Variants in CDC45 observed in about 807,000 individuals in gnomAD.
The protein encoded by CDC45 is cell division control protein 45 homolog.
A neutral mutation model predicts 77.8 loss-of-function variants in CDC45; 54 were observed. The ratio of observed to expected loss-of-function variants is 0.69; its 90% CI spans 0.56 to 0.87. The LOEUF is 0.87. Among genes scored for constraint, CDC45 ranks in the 40% least tolerant of loss-of-function variants. The pLI, the probability that CDC45 is intolerant of heterozygous loss-of-function variation, is 0.00. For missense variants in CDC45, 649 were observed against 721.6 expected, an observed-to-expected ratio of 0.90 and a Z score of 1.15; for synonymous variants, 260 against 272.1, an observed-to-expected ratio of 0.96 and a Z score of 0.44.
intron 9 of CDC45, among the ~76,000 whole-genome samples, chr22:19,504,874 C>T (rs1041236606): frequency 1.1e-4 from 17 of 152,134 alleles, no homozygotes; most frequent in African/African-American, 3.4e-4. Context: ...GGTCTACATG[C>T]TTCTGAGGCA....
intron 10 of CDC45, 101 bp from the exon 11 acceptor site, chr22:19,507,285 G>A: frequency 7.0e-7 from 1 of 1,433,968 alleles, no homozygotes; most frequent in Non-Finnish European, 9.6e-7. Flanking sequence ...GGCAGGCCTG[G>A]TGAGAAAGGG....
At chr22:19,481,411 CTG>C (rs1285048530) in intron 3 of CDC45, among the ~76,000 whole-genome samples, 1 of 152,046 alleles carries the variant, frequency 6.6e-6, no homozygotes, top group African/African-American at 2.4e-5. Flanking sequence ...CGGAGTCTCG[CTG>C]TGTCGCCCAG....
At chr22:19,506,307 G>A (rs1179599888) in intron 10 of CDC45, among the ~76,000 whole-genome samples, 1 of 152,130 alleles carries the variant, frequency 6.6e-6, no homozygotes, top group Admixed American at 6.5e-5. Context: ...GAGGGGAGCC[G>A]CTGTGCACTG....
chr22:19,501,942 C>G (rs1401856860), intron 9 of CDC45, among the ~76,000 whole-genome samples: 2 of 152,072 alleles, frequency 1.3e-5, no homozygotes, highest in Non-Finnish European at 2.9e-5. Context: ...CTCTCAAACT[C>G]CTAGGCTCAA....
At chr22:19,496,869 A>G (rs1004303246) in intron 7 of CDC45, among the ~76,000 whole-genome samples, 1 of 151,976 alleles carries the variant, frequency 6.6e-6, no homozygotes, top group African/African-American at 2.4e-5. Flanking sequence ...GCCCTGTTGG[A>G]AAGAGAGGTG....
rs866987142 is a variant in CDC45, at chr22:19,520,247, G to A, written c.*2-234G>A. ...CTGGCTGAGCAGCTGGGCGGGGTCCGTGAGGTAAGAAGGTGCCCGGGCCAG... is the reference window on the plus strand; with the variant it reads ...CTGGCTGAGCAGCTGGGCGGGGTCCATGAGGTAAGAAGGTGCCCGGGCCAG... On this transcript the variant is annotated intron_variant, in intron 18 of 18. Coordinates refer to ENST00000263201, the MANE Select transcript of CDC45 (RefSeq NM_003504.5). The surrounding 1 kb of genome is among the most constrained non-coding windows in gnomAD (Gnocchi z 4.5). Among the ~76,000 whole-genome samples, 10 of 152,234 alleles carry A rather than the reference G, an allele frequency of 6.6e-5. No homozygotes were observed. The South Asian group carries it at 8.3e-4, about 13-fold the overall frequency.
Position 19,483,848 on chromosome 22 carries a change from T to C in CDC45, c.343-14T>C. 1 of 1,609,974 alleles carries C rather than the reference T, an allele frequency of 6.2e-7. No individual in the cohort carries two copies. The highest frequency in any genetic ancestry group is 2.2e-5 in the East Asian group (1 of 44,854). On this transcript the variant is annotated splice_polypyrimidine_tract_variant and intron_variant, in intron 4 of 18. Transcript: ENST00000263201. Reference sequence around the variant, plus strand: ...AAAGAGGAGAGGCTTAATTCCTTTTTGTTTTGAACTTAGATCAAATTACTC... The same window carrying C: ...AAAGAGGAGAGGCTTAATTCCTTTTCGTTTTGAACTTAGATCAAATTACTC...
Position 19,480,938 on chromosome 22 carries a change from A to G in CDC45, c.112-15A>G. On this transcript the variant is annotated splice_polypyrimidine_tract_variant and intron_variant, in intron 2 of 18. Transcript: ENST00000263201. ...GTCCTAAATAAGATAGGCTTTGAAA[A>G]CACTCTCTCTCCAGGCCTTGTTCCA... 1.3e-6 allele frequency: 2 copies of G among 1,567,228 alleles called. No homozygotes were observed. Among genetic ancestry groups the G allele is most frequent in the Non-Finnish European group, 8.7e-7 (1 of 1,143,314 alleles).
At position 19,507,454 on chromosome 22, in the gene CDC45, C is replaced by T. The variant is rs146559223; in HGVS notation, c.893C>T (p.Ala298Val). 4.3e-6 allele frequency: 7 copies of T among 1,614,202 alleles called. No homozygotes were observed. Among genetic ancestry groups the T allele is most frequent in the Non-Finnish European group, 5.9e-6 (7 of 1,180,040 alleles). ...CTGTGCAACACCAGCTATACCGCAG[C>T]CAGGTTCAAGCTGTGGTCTGTGCAT... ...DSLCNTSYTA[A>V]RFKLWSVHGQ... Residue 298 changes from alanine to valine, a missense_variant, in exon 11 of 19, where the codon GCC becomes GTC. Ala to Val is a moderately conservative substitution (Grantham distance 64). Coordinates refer to ENST00000263201, the MANE Select transcript of CDC45 (RefSeq NM_003504.5).
At chr22:19,513,307 T>C (rs1933614976) in intron 13 of CDC45, among the ~76,000 whole-genome samples, 1 of 152,256 alleles carries the variant, frequency 6.6e-6, no homozygotes, top group Non-Finnish European at 1.5e-5. Flanking sequence ...TAAATTGTCT[T>C]ATCTTTGGTT....
In CDC45 at chr22:19,508,506, C is replaced by T. The variant is rs915357013; in HGVS notation, c.1056-24C>T. On this transcript the variant is annotated intron_variant, in intron 12 of 18. Transcript: ENST00000263201. ...GAGCTTGCCCACAATTTGAGGGTGA[C>T]AGCTGTGTTTGCTCCCATGACAGGA... The T allele has an allele frequency of 5.0e-6, 8 of 1,613,688 alleles. No individual in the cohort carries two copies. The African/African-American group carries it at 9.3e-5, about 19-fold the overall frequency.
intron 4 of CDC45, 143 bp downstream of exon 4, chr22:19,482,970 CTTTTTT>C: frequency 1.9e-6 from 1 of 523,264 alleles, no homozygotes; most frequent in Non-Finnish European, 3.4e-6. Flanking sequence ...TCTTTGTCAT[CTTTTTT>C]TTTTTTTTTT....
intron 9 of CDC45, among the ~76,000 whole-genome samples, chr22:19,502,464 A>G (rs761751765): frequency 6.6e-6 from 1 of 152,230 alleles, no homozygotes; most frequent in Non-Finnish European, 1.5e-5. Context: ...GGCACAACAC[A>G]TAACACAACA....
At position 19,514,749 on chromosome 22, in the gene CDC45, G is replaced by A; in HGVS notation, c.1218G>A (p.Arg406=). The A allele has an allele frequency of 6.2e-7, 1 of 1,605,410 alleles. No individual in the cohort carries two copies. The highest frequency in any genetic ancestry group is 2.2e-5 in the East Asian group (1 of 44,854). ...HFIQALDSLS[R]SNLDKLYHGL... is the part of the protein sequence containing the mutation. ...AAGCCATGTGTCTGCCCTGTTACAG[G>A]AGTAACCTGGACAAGCTGTACCATG... Residue 406 remains arginine (R), a splice_region_variant and synonymous_variant, in exon 14 of 19, where the codon AGG becomes AGA. Coordinates refer to ENST00000263201, the MANE Select transcript of CDC45 (RefSeq NM_003504.5).
chr22:19,506,276 G>A (rs894773066), intron 10 of CDC45, among the ~76,000 whole-genome samples: 3 of 152,170 alleles, frequency 2.0e-5, no homozygotes, highest in African/African-American at 7.2e-5. Context: ...GGAGCGGGGT[G>A]GAGCTGGCTG....
At chr22:19,497,765 G>A (rs986770757) in intron 8 of CDC45, among the ~76,000 whole-genome samples, 4 of 152,164 alleles carry the variant, frequency 2.6e-5, no homozygotes, top group African/African-American at 9.7e-5. Context: ...ATTTGAAGGA[G>A]GCAGCCTTTG....
intron 18 of CDC45, 21 bp downstream of exon 18, chr22:19,518,930 A>G: frequency 6.2e-7 from 1 of 1,600,672 alleles, no homozygotes; most frequent in Non-Finnish European, 8.6e-7. Flanking sequence ...GGGGTTCTGC[A>G]GGGGTGGCTG....
chr22:19,496,405 A>G (rs1293415009), intron 7 of CDC45, among the ~76,000 whole-genome samples: 4 of 152,264 alleles, frequency 2.6e-5, no homozygotes, highest in Non-Finnish European at 5.9e-5. Context: ...TTTACAAAAC[A>G]GAATTTAGTG....
At position 19,508,692 on chromosome 22, in the gene CDC45, G is replaced by A; in HGVS notation, c.1217+1G>A. On this transcript the variant is annotated splice_donor_variant, in intron 13 of 18. Coordinates refer to ENST00000263201, the MANE Select transcript of CDC45 (RefSeq NM_003504.5). LOFTEE classifies it high-confidence loss of function. The stretch of plus-strand genomic sequence containing the variant: ...TCCAGGCTCTGGACAGCCTCTCCAG[G>A]TAGCAGGAGGGCTGTGGGTTTGCCT... 6.2e-7 allele frequency: 1 copy of A among 1,613,704 alleles called. No homozygotes were observed. Among genetic ancestry groups the A allele is most frequent in the African/African-American group, 1.3e-5 (1 of 75,028 alleles).
Sources: gnomAD v4.1 joint callset for allele counts (sites outside exome capture counted in the v4.1 genomes callset) on GRCh38, gnomAD v4.1.1 for gene constraint, Gnocchi (gnomAD v3.1) non-coding constraint, MANE v1.5 for transcripts, NCBI Gene and HGNC (gene_info 2026-07-23, HGNC 2026-07-21) for gene names.